JAKMIP3: variants seen among roughly 807,000 people sequenced by gnomAD.
JAKMIP3 encodes janus kinase and microtubule-interacting protein 3.
Under a neutral mutation model 118.5 loss-of-function variants are expected in JAKMIP3, and 58 were observed. The observed-to-expected ratio is 0.49, with a 90% CI of 0.40 to 0.61. The LOEUF (loss-of-function observed/expected upper bound fraction) is 0.61. Among genes scored for constraint, JAKMIP3 ranks in the 20% least tolerant of loss-of-function variants. The pLI, the probability that JAKMIP3 is intolerant of heterozygous loss-of-function variation, is 0.00. For synonymous variants in JAKMIP3, 486 were observed against 451.2 expected, an observed-to-expected ratio of 1.08 and a Z score of -0.98; for missense variants, 950 against 1,109.0, an observed-to-expected ratio of 0.86 and a Z score of 2.04.
At chr10:132,120,535 G>C (rs533878246) in intron 3 of JAKMIP3, among the ~76,000 whole-genome samples, 11 of 152,216 alleles carry the variant, frequency 7.2e-5, no homozygotes, top group Non-Finnish European at 1.5e-4. Context: ...CTATATCCTG[G>C]TTTTGTGCAA....
intron 19 of JAKMIP3, among the ~76,000 whole-genome samples, chr10:132,154,333 A>C (rs2056728456): frequency 6.6e-6 from 1 of 152,010 alleles, no homozygotes; most frequent in Non-Finnish European, 1.5e-5. Context: ...TCTACCTCCC[A>C]CCCTTCCCCT....
intron 21 of JAKMIP3, 57 bp downstream of exon 21, chr10:132,164,792 T>C: frequency 8.3e-7 from 1 of 1,210,490 alleles, no homozygotes; most frequent in Non-Finnish European, 1.2e-6. Flanking sequence ...AGGAACCCGG[T>C]GTCACCCCGA....
At chr10:132,090,524 G>A (rs1419062250) in intron 1 of JAKMIP3, among the ~76,000 whole-genome samples, 1 of 152,112 alleles carries the variant, frequency 6.6e-6, no homozygotes, top group African/African-American at 2.4e-5. Flanking sequence ...TTCTCTGATG[G>A]TAGTTTGTAT....
intron 1 of JAKMIP3, among the ~76,000 whole-genome samples, chr10:132,045,412 G>A (rs1285998124): frequency 1.3e-5 from 2 of 152,098 alleles, no homozygotes; most frequent in Non-Finnish European, 2.9e-5. Context: ...ACTTAGCACT[G>A]CATCACCCTC....
At chr10:132,110,373 G>A (rs917329853) in intron 2 of JAKMIP3, among the ~76,000 whole-genome samples, 2 of 152,272 alleles carry the variant, frequency 1.3e-5, no homozygotes, top group African/African-American at 4.8e-5. Flanking sequence ...CCAACGTGGG[G>A]CCCACGATAG....
chr10:132,039,110 G>T (rs114931310), intron 1 of JAKMIP3, among the ~76,000 whole-genome samples: 1,568 of 152,306 alleles, frequency 0.01, 31 homozygotes, highest in African/African-American at 0.035. Context: ...GTGTGGAGTT[G>T]CAAACTCAGC....
chr10:132,150,002 G>C lies in JAKMIP3; in HGVS notation c.1968G>C (p.Leu656=), dbSNP rs373116868. 6.3e-7 allele frequency: 1 copy of C among 1,587,616 alleles called. No homozygotes were observed. Among genetic ancestry groups the C allele is most frequent in the East Asian group, 2.3e-5 (1 of 43,306 alleles). The change falls in exon 16 of 24, where the codon CTG becomes CTC. Residue 656 remains leucine (L), a synonymous_variant. Coordinates refer to ENST00000684848, the MANE Select transcript of JAKMIP3 (RefSeq NM_001323087.2). ...CTTAGGACATTGTGGTTGCGGAGCT[G>C]ATGAAGAAGCTGGACATCCTGGGCG... The part of the protein sequence containing the change: ...EGVTDIVVAE[L]MKKLDILGDN...
chr10:132,117,701 C>G lies in JAKMIP3; in HGVS notation c.633+127C>G. 1 of 1,104,992 alleles carries G rather than the reference C, an allele frequency of 9.0e-7. No homozygotes were observed. Among genetic ancestry groups the G allele is most frequent in the Non-Finnish European group, 1.2e-6 (1 of 854,222 alleles). 68.4% of individuals were successfully genotyped at this position (1,104,992 alleles called of 1,614,324 possible). A position where few individuals can be genotyped will look rare whatever the true frequency, so the allele number is the denominator to read the frequency against. ...GAGCACGCGGGCAGCACCGGCTTCA[C>G]CCCCCATGACATTCTTAGCACAGGC... On this transcript the variant is annotated intron_variant, in intron 3 of 23. Transcript: ENST00000684848. This position sits in a 1 kb window ranked among gnomAD's most constrained non-coding sequence, Gnocchi z 8.6.
intron 3 of JAKMIP3, among the ~76,000 whole-genome samples, chr10:132,123,602 G>A (rs752291973): frequency 3.3e-5 from 5 of 152,184 alleles, no homozygotes; most frequent in African/African-American, 4.8e-5. Context: ...GCCTGGAGAC[G>A]GGTGTCAGGT....
At position 132,145,404 on chromosome 10, in the gene JAKMIP3, G is replaced by A. The variant is rs1032859426; in HGVS notation, c.1687-114G>A. 1.2e-5 allele frequency: 13 copies of A among 1,091,686 alleles called. No homozygotes were observed. The African/African-American group carries it at 1.9e-4, about 16-fold the overall frequency. 67.6% of individuals were successfully genotyped at this position (1,091,686 alleles called of 1,614,324 possible). A position where few individuals can be genotyped will look rare whatever the true frequency, so the allele number is the denominator to read the frequency against. ...AATTTTTGTATTTTTTGTAGAGACG[G>A]GGCTTTGCCACGCTGGCCAGACTGG... is the stretch of plus-strand genomic sequence containing the variant. On this transcript the variant is annotated intron_variant, in intron 12 of 23. Coordinates refer to ENST00000684848, the MANE Select transcript of JAKMIP3 (RefSeq NM_001323087.2).
Position 132,134,939 on chromosome 10 carries a change from C to T in JAKMIP3, c.850-102C>T, listed in dbSNP as rs140767581. The T allele has an allele frequency of 6.7e-4, 946 of 1,402,384 alleles. 15 individuals are homozygous for T. The East Asian group carries it at 0.019, about 28-fold the overall frequency. The allele number at this position is 1,402,384 out of a possible 1,614,324, so 86.9% of individuals were successfully genotyped here. A position where few individuals can be genotyped will look rare whatever the true frequency, so the allele number is the denominator to read the frequency against. On this transcript the variant is annotated intron_variant, in intron 4 of 23. Coordinates refer to ENST00000684848, the MANE Select transcript of JAKMIP3 (RefSeq NM_001323087.2). ...GCAGCCGCGTGGAGGTAAAGGCGCG[C>T]GTCCCACGGCAGCGTTTTTGTTCCC... is the stretch of plus-strand genomic sequence containing the variant.
In JAKMIP3 at chr10:132,135,089, G is replaced by T; in HGVS notation, c.898G>T (p.Ala300Ser). Residue 300 changes from alanine (A) to serine (S), a missense_variant, in exon 5 of 24, where the codon GCG becomes TCG. Transcript: ENST00000684848. ...TGCCCGGCGCTTCCAGCTTAAAATC[G>T]CGGAGTTAAGTGCGATTATCCGCAA... is the stretch of plus-strand genomic sequence containing the variant. Reference protein sequence around the residue: ...KDARRFQLKIAELSAIIRKLE... With the variant: ...KDARRFQLKISELSAIIRKLE... 6.2e-7 allele frequency: 1 copy of T among 1,613,682 alleles called. No homozygotes were observed. The highest frequency in any genetic ancestry group is 8.5e-7 in the Non-Finnish European group (1 of 1,179,658).
intron 3 of JAKMIP3, among the ~76,000 whole-genome samples, chr10:132,131,876 G>T (rs574540855): frequency 1.3e-5 from 2 of 152,160 alleles, no homozygotes; most frequent in Non-Finnish European, 2.9e-5. Context: ...GAAGTGCAGG[G>T]TGGGGTGCGG....
At chr10:132,159,110 G>A (rs1464749684) in intron 19 of JAKMIP3, among the ~76,000 whole-genome samples, 4 of 140,596 alleles carry the variant, frequency 2.8e-5, no homozygotes, top group East Asian at 2.2e-4. Flanking sequence ...TTCTGGGGGC[G>A]TCTCTCCCCG....
chr10:132,099,233 T>C (rs548468440), intron 1 of JAKMIP3, among the ~76,000 whole-genome samples: 15 of 151,952 alleles, frequency 9.9e-5, no homozygotes, highest in Non-Finnish European at 2.1e-4. Flanking sequence ...AGCCTCCTCG[T>C]CAGCGACACT....
intron 2 of JAKMIP3, among the ~76,000 whole-genome samples, chr10:132,114,350 G>A (rs1288644078): frequency 2.0e-5 from 3 of 152,222 alleles, no homozygotes; most frequent in African/African-American, 7.2e-5. Flanking sequence ...AAGTAGCTGG[G>A]ACTACAGGCG....
chr10:132,098,427 A>T (rs1012185712), intron 1 of JAKMIP3, among the ~76,000 whole-genome samples: 24 of 152,230 alleles, frequency 1.6e-4, no homozygotes, highest in African/African-American at 5.3e-4. Flanking sequence ...CAAAATGTGA[A>T]TGTGTTGAAG....
chr10:132,123,156 G>A (rs959505509), intron 3 of JAKMIP3, among the ~76,000 whole-genome samples: 4 of 152,146 alleles, frequency 2.6e-5, no homozygotes, highest in African/African-American at 9.7e-5. Flanking sequence ...CCACAGGTGC[G>A]ATGACCAGTG....
chr10:132,101,987 C>T (rs1186332791), intron 1 of JAKMIP3, among the ~76,000 whole-genome samples: 3 of 144,850 alleles, frequency 2.1e-5, no homozygotes, highest in Non-Finnish European at 4.6e-5. Flanking sequence ...GCCCACCCGA[C>T]GCTCATGTGG....
Sources: gnomAD v4.1 joint callset for allele counts (sites outside exome capture counted in the v4.1 genomes callset) on GRCh38, gnomAD v4.1.1 for gene constraint, Gnocchi (gnomAD v3.1) non-coding constraint, MANE v1.5 for transcripts, NCBI Gene and HGNC (gene_info 2026-07-23, HGNC 2026-07-21) for gene names.